The following DNAH11 variants were observed in gnomAD, a reference collection of about 807,000 sequenced individuals.
DNAH11 encodes axonemal beta dynein heavy chain 11.
A neutral mutation model predicts 526.0 loss-of-function variants in DNAH11; 442 were observed. The observed-to-expected ratio is 0.84, with a 90% CI of 0.78 to 0.91. The LOEUF is 0.91. DNAH11 is among the 40% of genes least tolerant of loss of function. DNAH11 has a pLI of 0.00. For missense variants in DNAH11, 6,989 were observed against 5,448.7 expected, an observed-to-expected ratio of 1.28 and a Z score of -8.90; for synonymous variants, 2,461 against 1,935.9, an observed-to-expected ratio of 1.27 and a Z score of -7.12.
chr7:21,767,750 C>G (rs1859102), intron 55 of DNAH11, among the ~76,000 whole-genome samples: 84,098 of 151,998 alleles, frequency 0.55, 24,208 homozygotes, highest in East Asian at 0.68. Flanking sequence ...TTCTAAAAAC[C>G]TGTGGTGTCT....
chr7:21,548,516 G>T (rs1292886980), intron 2 of DNAH11, among the ~76,000 whole-genome samples: 6 of 152,162 alleles, frequency 3.9e-5, no homozygotes, highest in South Asian at 2.1e-4. Context: ...GGGATTAAAA[G>T]AATTTGTCAA....
intron 65 of DNAH11, among the ~76,000 whole-genome samples, chr7:21,827,174 A>C (rs1790336889): frequency 6.6e-6 from 1 of 152,240 alleles, no homozygotes; most frequent in South Asian, 2.1e-4. Context: ...CACTGTCATA[A>C]AATGGCCACA....
At chr7:21,879,182 A>G (rs931834717) in intron 74 of DNAH11, among the ~76,000 whole-genome samples, 2 of 151,946 alleles carry the variant, frequency 1.3e-5, no homozygotes, top group African/African-American at 4.8e-5. Context: ...GGCTGGGCAC[A>G]GTGACTTGTG....
chr7:21,577,786 A>C (rs1784156721), intron 8 of DNAH11, among the ~76,000 whole-genome samples: 1 of 152,238 alleles, frequency 6.6e-6, no homozygotes, highest in Admixed American at 6.5e-5. Context: ...AAATTTCAGT[A>C]GAATATCAGT....
At chr7:21,681,500 T>G (rs1184123570) in intron 30 of DNAH11, 46 bp from the exon 31 acceptor site, 1 of 1,581,470 alleles carries the variant, frequency 6.3e-7, no homozygotes, top group African/African-American at 1.4e-5. Context: ...TCTTAAATTC[T>G]GTATTTGTAA....
chr7:21,710,279 C>T (rs539137641), intron 40 of DNAH11, among the ~76,000 whole-genome samples: 2 of 152,258 alleles, frequency 1.3e-5, no homozygotes, highest in African/African-American at 2.4e-5. Flanking sequence ...TAAATCCCCA[C>T]AACTGTTCAT....
intron 20 of DNAH11, among the ~76,000 whole-genome samples, chr7:21,612,696 A>T (rs999812659): frequency 1.3e-5 from 2 of 152,188 alleles, no homozygotes; most frequent in Admixed American, 1.3e-4. Context: ...TACTTTGTGA[A>T]GCATGTCTGA....
intron 63 of DNAH11, among the ~76,000 whole-genome samples, chr7:21,808,366 A>G (rs1407160893): frequency 6.6e-6 from 1 of 152,172 alleles, no homozygotes; most frequent in Admixed American, 6.5e-5. Context: ...CACCTGAAAC[A>G]TTTATTTTTT....
In DNAH11 at chr7:21,730,748, T is replaced by C. The variant is rs114300614; in HGVS notation, c.7440+4764T>C. The stretch of plus-strand genomic sequence containing the variant: ...CAAAATTTCAGTTAGGAGAAATAAG[T>C]TCAAGAGATCTATCGTACATGGTGA... On this transcript the variant is annotated intron_variant, in intron 45 of 81. Transcript: ENST00000409508. 4.1e-3 allele frequency among the ~76,000 whole-genome samples: 621 copies of C among 152,264 alleles called. 4 individuals carry two copies. Among genetic ancestry groups the C allele is most frequent in the African/African-American group, 0.013 (524 of 41,550 alleles).
chr7:21,710,564 C>T lies in DNAH11; in HGVS notation c.6695C>T (p.Ser2232Phe), dbSNP rs1784426640. ...REWKDGKIVYSYFIGLFSSIL... is the reference protein window; with the variant it reads ...REWKDGKIVYFYFIGLFSSIL... ...ACATTATATATTAGGATTGTTTACT[C>T]TTATTTTATAGGTCTCTTCTCATCC... The change falls in exon 41 of 82, where the codon TCT (serine) becomes TTT (phenylalanine). Residue 2232 changes from serine (S) to phenylalanine (F), a missense_variant. Physicochemically the swap from Ser to Phe is radical, Grantham distance 155. Coordinates refer to ENST00000409508, the MANE Select transcript of DNAH11 (RefSeq NM_001277115.2). The T allele has an allele frequency of 1.9e-6, 3 of 1,608,856 alleles. No homozygotes were observed. The highest frequency in any genetic ancestry group is 2.5e-6 in the Non-Finnish European group (3 of 1,176,582).
chr7:21,748,627 T>C lies in DNAH11; in HGVS notation c.8558T>C (p.Leu2853Ser), dbSNP rs1053893041. Residue 2853 changes from leucine (L) to serine (S), a missense_variant, in exon 52 of 82, where the codon TTG (leucine) becomes TCG (serine). Physicochemically the swap from Leu to Ser is moderately radical, Grantham distance 145. Transcript: ENST00000409508. The part of the protein sequence containing the change: ...ILRTPQGCAL[L>S]VGVGGSGKQS... The stretch of plus-strand genomic sequence containing the variant: ...CGAACCCCTCAGGGCTGTGCTCTCT[T>C]GGTTGGAGTTGGGGGCAGTGGCAAG... 1 of 1,612,468 alleles carries C rather than the reference T, an allele frequency of 6.2e-7. No individual in the cohort carries two copies. The highest frequency in any genetic ancestry group is 8.5e-7 in the Non-Finnish European group (1 of 1,179,046).
intron 56 of DNAH11, 67 bp from the exon 57 acceptor site, chr7:21,778,891 A>G (rs779669658): frequency 1.9e-6 from 3 of 1,546,600 alleles, no homozygotes; most frequent in South Asian, 1.2e-5. Flanking sequence ...CATTCCCAGC[A>G]ATAAGCTCTA....
intron 61 of DNAH11, among the ~76,000 whole-genome samples, chr7:21,798,075 A>G (rs1246047418): frequency 1.3e-5 from 2 of 152,230 alleles, no homozygotes; most frequent in Non-Finnish European, 2.9e-5. Flanking sequence ...AGGGTCAGTA[A>G]GAGGCAGAGG....
chr7:21,602,274 G>A (rs1785120643), intron 18 of DNAH11, among the ~76,000 whole-genome samples: 1 of 152,108 alleles, frequency 6.6e-6, no homozygotes, highest in Non-Finnish European at 1.5e-5. Context: ...GGGAGGTGAA[G>A]GTTGCAGTGA....
At chr7:21,677,363 A>G (rs1782936828) in intron 30 of DNAH11, among the ~76,000 whole-genome samples, 1 of 152,066 alleles carries the variant, frequency 6.6e-6, no homozygotes, top group South Asian at 2.1e-4. Flanking sequence ...TGTATCTATC[A>G]TAGTGATCTG....
At chr7:21,620,699 A>T (rs1583536184) in intron 25 of DNAH11, among the ~76,000 whole-genome samples, 1 of 141,786 alleles carries the variant, frequency 7.1e-6, no homozygotes, top group African/African-American at 2.6e-5. Flanking sequence ...TATCTCCTAA[A>T]GCTATCCCTC....
At chr7:21,623,088 C>T (rs1249137481) in intron 25 of DNAH11, among the ~76,000 whole-genome samples, 1 of 151,594 alleles carries the variant, frequency 6.6e-6, no homozygotes, top group Admixed American at 6.6e-5. Flanking sequence ...GGGCTAATAT[C>T]CAGAATCTAC....
intron 8 of DNAH11, among the ~76,000 whole-genome samples, chr7:21,577,904 A>G (rs1195346380): frequency 6.6e-6 from 1 of 152,198 alleles, no homozygotes; most frequent in Non-Finnish European, 1.5e-5. Flanking sequence ...AAGATTTTAA[A>G]GTAGTGTATT....
In DNAH11 at chr7:21,815,736, G is replaced by T. The variant is rs374214317; in HGVS notation, c.10333-731G>T. ...AAATGTTTGGTGATTGATGACTGGCGGAGTGAACATATACATTCTTTAATA... is the reference window on the plus strand; with the variant it reads ...AAATGTTTGGTGATTGATGACTGGCTGAGTGAACATATACATTCTTTAATA... On this transcript the variant is annotated intron_variant, in intron 63 of 81. Coordinates refer to ENST00000409508, the MANE Select transcript of DNAH11 (RefSeq NM_001277115.2). Among the ~76,000 whole-genome samples, 3 of 152,214 alleles carry T rather than the reference G, an allele frequency of 2.0e-5. No homozygotes were observed. In the South Asian group the frequency reaches 6.2e-4, roughly 32 times the overall value.
Sources: gnomAD v4.1 joint callset for allele counts (sites outside exome capture counted in the v4.1 genomes callset) on GRCh38, gnomAD v4.1.1 for gene constraint, MANE v1.5 for transcripts, NCBI Gene and HGNC (gene_info 2026-07-23, HGNC 2026-07-21) for gene names.